The following SH2D1A variants were observed in gnomAD, a reference collection of about 807,000 sequenced individuals.
SH2D1A encodes SH2 domain-containing protein 1A.
In SH2D1A, 6 loss-of-function variants were observed where a neutral mutation model predicts 10.1. That is an observed-to-expected ratio of 0.60 (90% confidence interval 0.33 to 1.18). The LOEUF (loss-of-function observed/expected upper bound fraction) is 1.18. Among genes scored for constraint, SH2D1A ranks in the 50% most tolerant of loss-of-function variants. SH2D1A has a pLI of 0.04. For missense variants in SH2D1A, 51 were observed against 97.6 expected, an observed-to-expected ratio of 0.52 and a Z score of 2.01; for synonymous variants, 42 against 36.9, an observed-to-expected ratio of 1.14 and a Z score of -0.51.
At chrX:124,358,402 T>C (rs1030988429) in intron 1 of SH2D1A, among the ~76,000 whole-genome samples, 1 of 112,388 alleles carries the variant, frequency 8.9e-6, no homozygotes, top group African/African-American at 3.2e-5. Flanking sequence ...ACTTGCCAGT[T>C]TGAATAGCGA....
chrX:124,364,528 A>G, intron 1 of SH2D1A: 1 of 198,063 alleles, frequency 5.0e-6, no homozygotes, highest in Non-Finnish European at 9.2e-6. Flanking sequence ...TTTTTTTGAG[A>G]CAATCTCGCT....
In SH2D1A at chrX:124,350,301, TA is replaced by T. The variant is rs1239235262; in HGVS notation, c.137+3525del. Among the ~76,000 whole-genome samples, 46 of 32,816 alleles carry T rather than the reference TA, an allele frequency of 1.4e-3. No homozygotes were observed. The East Asian group carries it at 0.02, about 15-fold the overall frequency. 28.5% of individuals were successfully genotyped at this position (32,816 alleles called of 115,157 possible). A position where few individuals can be genotyped will look rare whatever the true frequency, so the allele number is the denominator to read the frequency against. On this transcript the variant is annotated intron_variant, in intron 1 of 3. Transcript: ENST00000371139. ...ATAATATTATATAATATATAATATA[TA>T]AATATATATTATATATAATATTATA...
chrX:124,364,929 A>G (rs1157481760), intron 1 of SH2D1A, among the ~76,000 whole-genome samples: 1 of 110,955 alleles, frequency 9.0e-6, no homozygotes, highest in Admixed American at 9.6e-5. Flanking sequence ...CTCAACAGGT[A>G]TAGCATTCTT....
chrX:124,353,227 CT>C, intron 1 of SH2D1A: 1 of 139,270 alleles, frequency 7.2e-6, no homozygotes. Context: ...TTAGTCTTCC[CT>C]TCCCATAACA....
chrX:124,355,251 A>G (rs939993471), intron 1 of SH2D1A, among the ~76,000 whole-genome samples: 1 of 103,920 alleles, frequency 9.6e-6, no homozygotes, highest in Non-Finnish European at 2.0e-5. Flanking sequence ...TCTGTCCCCA[A>G]CACTGACCCA....
intron 1 of SH2D1A, among the ~76,000 whole-genome samples, chrX:124,357,088 C>A (rs1007466829): frequency 9.0e-6 from 1 of 111,249 alleles, no homozygotes. Flanking sequence ...GAACTTTTTC[C>A]TCCTAACCTA....
chrX:124,352,479 C>A (rs758434456), intron 1 of SH2D1A, among the ~76,000 whole-genome samples: 126 of 111,407 alleles, frequency 1.1e-3, no homozygotes, highest in Non-Finnish European at 9.5e-4. Context: ...AAAAAAAATT[C>A]ATTGGACCAA....
chrX:124,346,755 C>T lies in SH2D1A; in HGVS notation c.113C>T (p.Pro38Leu). Residue 38 changes from proline (P) to leucine (L), a missense_variant, in exon 1 of 4, where the codon CCA (proline) becomes CTA (leucine). Coordinates refer to ENST00000371139, the MANE Select transcript of SH2D1A (RefSeq NM_002351.5). ...SYLLRDSESV[P>L]GVYCLCVLYH... ...TTGCTGAGGGACAGCGAGAGCGTGC[C>T]AGGCGTGTACTGCCTATGTGTGCTG... is the stretch of plus-strand genomic sequence containing the variant. 8.3e-7 allele frequency: 1 copy of T among 1,211,586 alleles called. No homozygotes were observed. Among genetic ancestry groups the T allele is most frequent in the Non-Finnish European group, 1.1e-6 (1 of 895,215 alleles).
At chrX:124,348,187 T>G (rs2059998820) in intron 1 of SH2D1A, among the ~76,000 whole-genome samples, 1 of 111,833 alleles carries the variant, frequency 8.9e-6, no homozygotes, top group Non-Finnish European at 1.9e-5. Flanking sequence ...GCTTGAATCT[T>G]TATGTTTTGC....
At chrX:124,352,663 T>C (rs111446778) in intron 1 of SH2D1A, among the ~76,000 whole-genome samples, 2,844 of 112,050 alleles carry the variant, frequency 0.025, 94 homozygotes, top group African/African-American at 0.087. Context: ...ACATTTTCTT[T>C]ATCCATTCAT....
intron 1 of SH2D1A, among the ~76,000 whole-genome samples, chrX:124,358,801 A>T (rs1482157352): frequency 9.0e-6 from 1 of 111,265 alleles, no homozygotes; most frequent in Non-Finnish European, 1.9e-5. Flanking sequence ...GTTCATACAA[A>T]TCACCTGGGC....
At chrX:124,363,907 A>AAG (rs2060046928) in intron 1 of SH2D1A, among the ~76,000 whole-genome samples, 1 of 106,353 alleles carries the variant, frequency 9.4e-6, no homozygotes, top group Non-Finnish European at 1.9e-5. Context: ...AAAAAAAAAA[A>AAG]AAAAAAAAAG....
intron 1 of SH2D1A, among the ~76,000 whole-genome samples, chrX:124,353,587 T>G (rs2060020214): frequency 9.0e-6 from 1 of 111,483 alleles, no homozygotes; most frequent in Non-Finnish European, 1.9e-5. Context: ...TCACCCTCAA[T>G]GTAGACAGCC....
intron 1 of SH2D1A, among the ~76,000 whole-genome samples, chrX:124,361,096 A>G (rs1389726054): frequency 1.8e-5 from 2 of 111,726 alleles, no homozygotes; most frequent in East Asian, 5.6e-4. Context: ...TCCTAAATTC[A>G]CACGTTTAAA....
intron 1 of SH2D1A, among the ~76,000 whole-genome samples, 155 bp downstream of exon 1, chrX:124,346,934 C>G (rs2059994684): frequency 1.8e-5 from 2 of 111,855 alleles, no homozygotes; most frequent in Admixed American, 9.4e-5. Flanking sequence ...AGCCCAGGGC[C>G]GTGGTGGAAC....
intron 2 of SH2D1A, among the ~76,000 whole-genome samples, chrX:124,368,219 C>T (rs181231193): frequency 1.8e-5 from 2 of 111,270 alleles, no homozygotes; most frequent in East Asian, 5.7e-4. Context: ...GGCCCGATCT[C>T]GGCTCACTGT....
chrX:124,355,641 A>T (rs1379343508), intron 1 of SH2D1A, among the ~76,000 whole-genome samples: 3 of 111,954 alleles, frequency 2.7e-5, no homozygotes, highest in African/African-American at 9.7e-5. Context: ...AAAAAAATGA[A>T]TTACATTTTT....
chrX:124,364,488 T>A, intron 1 of SH2D1A: 1 of 235,459 alleles, frequency 4.2e-6, no homozygotes, highest in Non-Finnish European at 7.7e-6. Flanking sequence ...GAAGCTAAGA[T>A]TAATTTATTA....
Position 124,355,399 on chromosome X carries a change from C to T in SH2D1A, c.137+8620C>T, listed in dbSNP as rs776181993. ...AATATCAGCAGAGACTAGATTAACA[C>T]ATGCTTTATAGTAATTAAAATAAAT... On this transcript the variant is annotated intron_variant, in intron 1 of 3. Transcript: ENST00000371139. Among the ~76,000 whole-genome samples, 5 of 112,123 alleles carry T rather than the reference C, an allele frequency of 4.5e-5. No individual in the cohort carries two copies. In the South Asian group the frequency reaches 1.9e-3, roughly 42 times the overall value.
Sources: gnomAD v4.1 joint callset for allele counts (sites outside exome capture counted in the v4.1 genomes callset) on GRCh38, gnomAD v4.1.1 for gene constraint, MANE v1.5 for transcripts, NCBI Gene and HGNC (gene_info 2026-07-23, HGNC 2026-07-21) for gene names.